Variants in SCRG1 observed in about 807,000 individuals in gnomAD.
The protein encoded by SCRG1 is scrapie-responsive protein 1.
In SCRG1, 3 loss-of-function variants were observed where a neutral mutation model predicts 7.7. The ratio of observed to expected loss-of-function variants is 0.39; its 90% confidence interval spans 0.18 to 1.01. SCRG1 has a LOEUF of 1.01. Among genes scored for constraint, SCRG1 ranks in the 50% least tolerant of loss-of-function variants. The pLI, the probability that SCRG1 is intolerant of heterozygous loss-of-function variation, is 0.36. For synonymous variants in SCRG1, 46 were observed against 41.2 expected (o/e 1.12, Z -0.44); for missense variants, 110 against 117.2 (o/e 0.94, Z 0.28).
At chr4:173,456,740 A>T in the SCRG1 span, among the ~76,000 whole-genome samples, 1 of 115,180 alleles carries the variant, frequency 8.7e-6, no homozygotes, top group Non-Finnish European at 1.8e-5. Flanking sequence ...AATTAGAGAA[A>T]ACAGCTCTAA....
the SCRG1 span, among the ~76,000 whole-genome samples, chr4:173,509,260 A>C: frequency 1.3e-5 from 2 of 152,094 alleles, no homozygotes; most frequent in African/African-American, 4.8e-5. The surrounding 1 kb of genome is among the most constrained non-coding windows in gnomAD (Gnocchi z 5.7). Context: ...GGAGCTTCGG[A>C]AGCTAAATCT....
Position 173,385,420 on chromosome 4 carries a change from A to G in SCRG1, c.*2921T>C, listed in dbSNP as rs184431251. ...GGGAGGCAGAGGTTGCAGTGAGTCAAGATTGTGCCACTGTACTCTGGCCTG... is the reference window on the plus strand; with the variant it reads ...GGGAGGCAGAGGTTGCAGTGAGTCAGGATTGTGCCACTGTACTCTGGCCTG... On this transcript the variant is annotated 3_prime_UTR_variant, in exon 3 of 3. Coordinates refer to ENST00000296506, the MANE Select transcript of SCRG1 (RefSeq NM_007281.4). 148 of 152,166 alleles carry G rather than the reference A, an allele frequency of 9.7e-4. No homozygotes were observed. Among genetic ancestry groups the G allele is most frequent in the African/African-American group, 3.5e-3 (146 of 41,526 alleles). The allele number at this position is 152,166 out of a possible 1,614,324, so 9.4% of individuals were successfully genotyped here.
At chr4:173,388,417 A>T (rs540483974) in intron 2 of SCRG1, 22 bp from the exon 3 acceptor site, 2 of 1,569,264 alleles carry the variant, frequency 1.3e-6, no homozygotes, top group Non-Finnish European at 1.8e-6. Flanking sequence ...TAGAGCATCA[A>T]TTAAATTCAC....
At chr4:173,510,713 C>T in the SCRG1 span, among the ~76,000 whole-genome samples, 1 of 152,062 alleles carries the variant, frequency 6.6e-6, no homozygotes, top group Non-Finnish European at 1.5e-5. The surrounding 1 kb of genome is among the most constrained non-coding windows in gnomAD (Gnocchi z 5.7). Flanking sequence ...ACGTAGCGCG[C>T]CAAAACCAAG....
chr4:173,436,136 G>C, the SCRG1 span, among the ~76,000 whole-genome samples: 1 of 152,130 alleles, frequency 6.6e-6, no homozygotes, highest in African/African-American at 2.4e-5. Flanking sequence ...TCAGCCAATC[G>C]CCTGGTGGAG....
At chr4:173,467,848 T>C in the SCRG1 span, 1 of 152,112 alleles carries the variant, frequency 6.6e-6, no homozygotes, top group Non-Finnish European at 1.5e-5. Flanking sequence ...AAACAAACCA[T>C]GCTTTTTAAT....
At chr4:173,508,763 T>C in the SCRG1 span, among the ~76,000 whole-genome samples, 2 of 152,072 alleles carry the variant, frequency 1.3e-5, no homozygotes, top group Admixed American at 6.5e-5. This position sits in a 1 kb window ranked among gnomAD's most constrained non-coding sequence, Gnocchi z 4.4. Context: ...TTGAAGGCAC[T>C]CTGCGGCCAC....
the SCRG1 span, among the ~76,000 whole-genome samples, chr4:173,459,073 G>A: frequency 6.6e-6 from 1 of 152,160 alleles, no homozygotes; most frequent in Non-Finnish European, 1.5e-5. Flanking sequence ...ATATACAACT[G>A]TAAATAAATA....
At chr4:173,443,760 G>T in the SCRG1 span, among the ~76,000 whole-genome samples, 1 of 152,036 alleles carries the variant, frequency 6.6e-6, no homozygotes, top group African/African-American at 2.4e-5. Flanking sequence ...TTGAACTCCT[G>T]AGCTCAAACA....
chr4:173,490,884 G>C, the SCRG1 span, among the ~76,000 whole-genome samples: 1 of 152,126 alleles, frequency 6.6e-6, no homozygotes, highest in Admixed American at 6.5e-5. Context: ...AAAGGAGTCT[G>C]CCCAGTCTGG....
At chr4:173,412,413 T>C in the SCRG1 span, among the ~76,000 whole-genome samples, 2 of 152,214 alleles carry the variant, frequency 1.3e-5, no homozygotes, top group Non-Finnish European at 2.9e-5. Flanking sequence ...TTCTTCTGTT[T>C]CTCACCTCAA....
chr4:173,444,263 TGCGCCTGGCCAAGA>T, the SCRG1 span, among the ~76,000 whole-genome samples: 15 of 152,292 alleles, frequency 9.8e-5, no homozygotes, highest in Middle Eastern at 3.4e-3. Flanking sequence ...CATGAGCCTC[TGCGCCTGGCCAAGA>T]GCTTGCTTTT....
chr4:173,473,533 C>T, the SCRG1 span, among the ~76,000 whole-genome samples: 2 of 152,134 alleles, frequency 1.3e-5, no homozygotes, highest in African/African-American at 4.8e-5. Context: ...AAGGAGAGCC[C>T]TCAATCCTGG....
At chr4:173,512,956 C>T in the SCRG1 span, among the ~76,000 whole-genome samples, 20 of 152,312 alleles carry the variant, frequency 1.3e-4, no homozygotes, top group African/African-American at 4.8e-4. Context: ...AGTTATTATA[C>T]TGCAAAATTT....
chr4:173,492,148 TA>T, the SCRG1 span, among the ~76,000 whole-genome samples: 8 of 151,128 alleles, frequency 5.3e-5, no homozygotes, highest in South Asian at 6.3e-4. Flanking sequence ...TTATTTTAAA[TA>T]AAAAAAAGAG....
the SCRG1 span, among the ~76,000 whole-genome samples, chr4:173,437,733 T>A: frequency 6.6e-6 from 1 of 152,218 alleles, no homozygotes; most frequent in Non-Finnish European, 1.5e-5. Context: ...CTGATGACAA[T>A]CTTTCCTTTA....
At chr4:173,484,316 ATTTT>A in the SCRG1 span, among the ~76,000 whole-genome samples, 1 of 70,868 alleles carries the variant, frequency 1.4e-5, no homozygotes, top group East Asian at 4.1e-4. Flanking sequence ...TATATTATAT[ATTTT>A]ATACATAATA....
At chr4:173,515,023 A>C in the SCRG1 span, among the ~76,000 whole-genome samples, 1 of 152,232 alleles carries the variant, frequency 6.6e-6, no homozygotes, top group African/African-American at 2.4e-5. The surrounding 1 kb of genome is among the most constrained non-coding windows in gnomAD (Gnocchi z 4.6). Flanking sequence ...TCCAAAGGGC[A>C]CTCATTTATG....
chr4:173,514,864 A>T, the SCRG1 span, among the ~76,000 whole-genome samples: 3 of 152,224 alleles, frequency 2.0e-5, no homozygotes, highest in Non-Finnish European at 4.4e-5. Flanking sequence ...AAAATAAGAG[A>T]CTTAACTGTC....
Sources: allele counts gnomAD v4.1 joint callset (sites outside exome capture counted in the v4.1 genomes callset), GRCh38; gene constraint gnomAD v4.1.1; non-coding constraint Gnocchi (gnomAD v3.1); transcripts MANE v1.5; gene names NCBI Gene and HGNC (gene_info 2026-07-23, HGNC 2026-07-21).